The following ELMO1 variants were observed in gnomAD, a reference collection of about 807,000 sequenced individuals.
ELMO1 encodes the protein engulfment and cell motility 1.
Under a neutral mutation model 98.9 loss-of-function variants are expected in ELMO1, and 26 were observed. The ratio of observed to expected loss-of-function variants is 0.26; its 90% CI spans 0.19 to 0.36. ELMO1 has a LOEUF of 0.36. Ranked by LOEUF, ELMO1 falls within the 10% of genes least tolerant of loss-of-function variation. The probability of loss-of-function intolerance (pLI) is 1.00; values close to 1 mark genes in which losing one functional copy is unlikely to be tolerated. For missense variants in ELMO1, 627 were observed against 935.2 expected, an observed-to-expected ratio of 0.67 and a Z score of 4.30; for synonymous variants, 346 against 346.0, an observed-to-expected ratio of 1.00 and a Z score of 0.00.
chr7:37,039,805 T>C (rs1487859882), intron 15 of ELMO1, among the ~76,000 whole-genome samples: 4 of 152,236 alleles, frequency 2.6e-5, no homozygotes, highest in Non-Finnish European at 5.9e-5. Flanking sequence ...TTGACATGAA[T>C]TAATCTCTCT....
At chr7:37,283,485 G>T (rs1413272280) in intron 4 of ELMO1, among the ~76,000 whole-genome samples, 5 of 152,154 alleles carry the variant, frequency 3.3e-5, no homozygotes, top group Non-Finnish European at 1.5e-5. Context: ...AATACCCCAG[G>T]ATAAGAATTA....
intron 1 of ELMO1, among the ~76,000 whole-genome samples, chr7:37,444,058 T>A (rs549046986): frequency 6.6e-6 from 1 of 152,256 alleles, no homozygotes; most frequent in Admixed American, 6.5e-5. Flanking sequence ...GTGCATGCCA[T>A]CATACCCAGC....
intron 14 of ELMO1, among the ~76,000 whole-genome samples, chr7:37,112,757 T>C (rs1022838173): frequency 6.6e-6 from 1 of 152,226 alleles, no homozygotes; most frequent in Non-Finnish European, 1.5e-5. Context: ...AAAAAGTTGA[T>C]AAAATTAAGG....
chr7:37,183,633 G>A (rs1348355642), intron 13 of ELMO1, among the ~76,000 whole-genome samples: 2 of 152,086 alleles, frequency 1.3e-5, no homozygotes, highest in Admixed American at 1.3e-4. Context: ...GCTCACAGCA[G>A]GACAGAAGTA....
chr7:37,191,585 G>A (rs1263205376), intron 13 of ELMO1, among the ~76,000 whole-genome samples: 1 of 152,090 alleles, frequency 6.6e-6, no homozygotes, highest in African/African-American at 2.4e-5. Context: ...ATATATAGGA[G>A]AATGTTTAGA....
chr7:36,966,216 C>T (rs1789416449), intron 16 of ELMO1, among the ~76,000 whole-genome samples: 1 of 152,194 alleles, frequency 6.6e-6, no homozygotes, highest in African/African-American at 2.4e-5. Context: ...AGAAGTCACA[C>T]CACAATGGAA....
chr7:37,166,575 T>C (rs371836436), intron 13 of ELMO1, among the ~76,000 whole-genome samples: 6 of 152,066 alleles, frequency 3.9e-5, no homozygotes, highest in Admixed American at 6.6e-5. Flanking sequence ...ATCTTTATTT[T>C]TGCCTTCATT....
intron 19 of ELMO1, among the ~76,000 whole-genome samples, chr7:36,877,695 AAT>A (rs1804086454): frequency 6.6e-6 from 1 of 152,224 alleles, no homozygotes; most frequent in South Asian, 2.1e-4. Context: ...CAGCTGACAG[AAT>A]CAGGTTTGTA....
intron 1 of ELMO1, among the ~76,000 whole-genome samples, chr7:37,417,917 GGAGT>G (rs1182363163): frequency 6.6e-6 from 1 of 152,184 alleles, no homozygotes; most frequent in Admixed American, 6.5e-5. Context: ...GGCACAGCTT[GGAGT>G]GATACTGCAC....
intron 1 of ELMO1, among the ~76,000 whole-genome samples, chr7:37,386,858 G>A (rs1002382128): frequency 1.3e-5 from 2 of 152,178 alleles, no homozygotes; most frequent in African/African-American, 2.4e-5. Context: ...TTCCTTCAGT[G>A]GTTATTAGCC....
At chr7:37,102,457 G>A (rs970975392) in intron 14 of ELMO1, among the ~76,000 whole-genome samples, 2 of 152,104 alleles carry the variant, frequency 1.3e-5, no homozygotes, top group Non-Finnish European at 2.9e-5. Flanking sequence ...AAACAAAATG[G>A]AACAGATCAG....
chr7:37,402,595 G>C (rs1413059005), intron 1 of ELMO1, among the ~76,000 whole-genome samples: 2 of 152,286 alleles, frequency 1.3e-5, no homozygotes, highest in Admixed American at 6.5e-5. Context: ...GAGGGAGAGA[G>C]AGTCTGGATC....
At chr7:37,014,862 C>A (rs1052049495) in intron 15 of ELMO1, among the ~76,000 whole-genome samples, 2 of 151,926 alleles carry the variant, frequency 1.3e-5, no homozygotes, top group Non-Finnish European at 2.9e-5. Flanking sequence ...CTTCTGTTCT[C>A]GGGGAGAGCC....
intron 1 of ELMO1, among the ~76,000 whole-genome samples, chr7:37,417,011 C>T (rs1804243423): frequency 6.6e-6 from 1 of 152,142 alleles, no homozygotes; most frequent in South Asian, 2.1e-4. Flanking sequence ...AAAGCTAAAC[C>T]CCTACTGAGC....
chr7:36,938,267 G>A (rs948206572), intron 16 of ELMO1, among the ~76,000 whole-genome samples: 1 of 152,204 alleles, frequency 6.6e-6, no homozygotes, highest in Non-Finnish European at 1.5e-5. Context: ...GATGAAATAT[G>A]AGTAGAAAAA....
At chr7:36,939,222 C>T (rs1011680926) in intron 16 of ELMO1, among the ~76,000 whole-genome samples, 1 of 151,808 alleles carries the variant, frequency 6.6e-6, no homozygotes, top group African/African-American at 2.4e-5. Flanking sequence ...AAGACTTGGC[C>T]ACTTACCGAA....
intron 16 of ELMO1, among the ~76,000 whole-genome samples, chr7:36,949,046 G>A (rs1787750304): frequency 6.6e-6 from 1 of 152,002 alleles, no homozygotes; most frequent in Admixed American, 6.6e-5. Flanking sequence ...AGTAGAGAAG[G>A]GGTTTCACCA....
chr7:36,946,738 G>T (rs1486472577), intron 16 of ELMO1, among the ~76,000 whole-genome samples: 1 of 151,974 alleles, frequency 6.6e-6, no homozygotes, highest in Non-Finnish European at 1.5e-5. Context: ...ATCTTCTCCT[G>T]CCTGTCTCTT....
chr7:37,110,609 C>T (rs1196445348), intron 14 of ELMO1, among the ~76,000 whole-genome samples: 1 of 151,948 alleles, frequency 6.6e-6, no homozygotes, highest in Non-Finnish European at 1.5e-5. Flanking sequence ...ATTGATAAAC[C>T]ATAATCTAAA....
Sources: gnomAD v4.1 joint callset for allele counts (sites outside exome capture counted in the v4.1 genomes callset) on GRCh38, gnomAD v4.1.1 for gene constraint, MANE v1.5 for transcripts, NCBI Gene and HGNC (gene_info 2026-07-23, HGNC 2026-07-21) for gene names.